MAP3K3: variants seen among roughly 807,000 people sequenced by gnomAD.
MAP3K3 encodes the protein mitogen-activated protein kinase kinase kinase 3.
MAP3K3 carries 12 observed loss-of-function variants against 80.9 expected under a neutral mutation model. The observed-to-expected ratio is 0.15, with a 90% CI of 0.10 to 0.24. MAP3K3 has a LOEUF of 0.24. Among genes scored for constraint, MAP3K3 ranks in the 10% least tolerant of loss-of-function variants. The pLI, the probability that MAP3K3 is intolerant of heterozygous loss-of-function variation, is 1.00. For synonymous variants in MAP3K3, 272 were observed against 307.1 expected, an observed-to-expected ratio of 0.89 and a Z score of 1.19; for missense variants, 596 against 834.7, an observed-to-expected ratio of 0.71 and a Z score of 3.52.
At chr17:63,686,210 G>C (rs1328847447) in intron 8 of MAP3K3, among the ~76,000 whole-genome samples, 1 of 152,098 alleles carries the variant, frequency 6.6e-6, no homozygotes, top group Non-Finnish European at 1.5e-5. Context: ...CGTCTGTCTG[G>C]GCTTAGGACT....
chr17:63,663,643 A>G (rs1250009849), intron 5 of MAP3K3, among the ~76,000 whole-genome samples: 2 of 152,214 alleles, frequency 1.3e-5, no homozygotes, highest in Non-Finnish European at 2.9e-5. Flanking sequence ...AACTCCTTGA[A>G]TATTGAGCAT....
intron 2 of MAP3K3, among the ~76,000 whole-genome samples, chr17:63,642,553 G>A (rs888955579): frequency 1.4e-4 from 21 of 152,070 alleles, no homozygotes; most frequent in African/African-American, 5.1e-4. Flanking sequence ...AGCTACTTGG[G>A]AGGCTGAGGC....
intron 2 of MAP3K3, among the ~76,000 whole-genome samples, chr17:63,643,466 G>A (rs530190816): frequency 9.2e-5 from 14 of 152,028 alleles, no homozygotes; most frequent in African/African-American, 3.4e-4. Context: ...AGCCGTGATC[G>A]TACCACTGCA....
Position 63,622,686 on chromosome 17 carries a change from G to C in MAP3K3, c.-74G>C. The C allele has an allele frequency of 2.4e-6, 1 of 408,302 alleles. No homozygotes were observed. The highest frequency in any genetic ancestry group is 4.8e-6 in the Non-Finnish European group (1 of 206,504). The allele number at this position is 408,302 out of a possible 1,614,324, so 25.3% of individuals were successfully genotyped here. A position where few individuals can be genotyped will look rare whatever the true frequency, so the allele number is the denominator to read the frequency against. Reference sequence around the variant, plus strand: ...AGGCCCGCTGCCGTCCCCGCCGCCCGGGCCCCCGGCATGCAGCCCCGGCTG... The same window carrying C: ...AGGCCCGCTGCCGTCCCCGCCGCCCCGGCCCCCGGCATGCAGCCCCGGCTG... On this transcript the variant is annotated 5_prime_UTR_variant, in exon 1 of 16. Transcript: ENST00000361733.
chr17:63,667,214 A>G (rs2035018124), intron 6 of MAP3K3, among the ~76,000 whole-genome samples, 154 bp downstream of exon 6: 1 of 152,138 alleles, frequency 6.6e-6, no homozygotes, highest in Non-Finnish European at 1.5e-5. Flanking sequence ...TTTAGAGAGG[A>G]AGGGCAAAGA....
At chr17:63,652,779 C>T (rs1214837869) in intron 4 of MAP3K3, 123 bp downstream of exon 4, 2 of 636,618 alleles carry the variant, frequency 3.1e-6, no homozygotes, top group East Asian at 2.8e-5. Context: ...ATTTTCTAGA[C>T]CCCCTTTTCT....
intron 1 of MAP3K3, among the ~76,000 whole-genome samples, chr17:63,628,072 AT>A (rs1187424375): frequency 6.7e-6 from 1 of 148,322 alleles, no homozygotes; most frequent in African/African-American, 2.5e-5. Flanking sequence ...CGCCCAGCTA[AT>A]TTTTGTATTT....
intron 6 of MAP3K3, among the ~76,000 whole-genome samples, chr17:63,681,151 G>A (rs1255691871): frequency 6.7e-6 from 1 of 150,266 alleles, no homozygotes; most frequent in African/African-American, 2.5e-5. Context: ...TTACTCATAA[G>A]CCAGGAAGTG....
chr17:63,655,096 C>G (rs1371107728), intron 4 of MAP3K3, among the ~76,000 whole-genome samples: 1 of 152,130 alleles, frequency 6.6e-6, no homozygotes, highest in Admixed American at 6.5e-5. Flanking sequence ...GTTTAATTGA[C>G]TCACAGTTCA....
At chr17:63,625,118 T>C (rs2034073225) in intron 1 of MAP3K3, among the ~76,000 whole-genome samples, 1 of 152,222 alleles carries the variant, frequency 6.6e-6, no homozygotes, top group African/African-American at 2.4e-5. Flanking sequence ...GTCTCTGCCC[T>C]GCAGGTTCTT....
At chr17:63,637,998 G>T (rs993099439) in intron 2 of MAP3K3, among the ~76,000 whole-genome samples, 14 of 152,170 alleles carry the variant, frequency 9.2e-5, no homozygotes, top group Non-Finnish European at 2.1e-4. Flanking sequence ...GTCAGTGATT[G>T]AGCAGACTGT....
rs910360248 is a variant in MAP3K3, at chr17:63,695,641, C to T, written c.*1864C>T. 7.9e-5 allele frequency: 12 copies of T among 152,704 alleles called. No homozygotes were observed. Among genetic ancestry groups the T allele is most frequent in the African/African-American group, 2.9e-4 (12 of 41,450 alleles). The allele number at this position is 152,704 out of a possible 1,614,324, so 9.5% of individuals were successfully genotyped here. A position where few individuals can be genotyped will look rare whatever the true frequency, so the allele number is the denominator to read the frequency against. ...GACCCCATCTTGGTGGCTGCACACT[C>T]TTCCTGGCCCGCACCCCCATCCCCA... On this transcript the variant is annotated 3_prime_UTR_variant, in exon 16 of 16. Transcript: ENST00000361733. This position sits in a 1 kb window ranked among gnomAD's most constrained non-coding sequence, Gnocchi z 4.1.
intron 12 of MAP3K3, among the ~76,000 whole-genome samples, chr17:63,690,765 A>G (rs1598124886): frequency 6.6e-6 from 1 of 152,172 alleles, no homozygotes; most frequent in East Asian, 1.9e-4. Flanking sequence ...CACTTGGTCC[A>G]GCTCTAGAGG....
intron 6 of MAP3K3, among the ~76,000 whole-genome samples, chr17:63,679,739 C>A (rs530165210): frequency 6.6e-6 from 1 of 152,050 alleles, no homozygotes; most frequent in Non-Finnish European, 1.5e-5. Flanking sequence ...CTCGAAGTGT[C>A]GGGATAATAG....
Position 63,681,889 on chromosome 17 carries a change from G to A in MAP3K3, c.626G>A (p.Ser209Asn). Residue 209 changes from serine to asparagine, a missense_variant, in exon 7 of 16, where the codon AGC becomes AAC. By Grantham distance (46) the Ser-to-Asn change is conservative. Around this residue, in one of 2 missense-constraint regions of MAP3K3, gnomAD observed 364 missense variants for 588.9 expected, o/e 0.62. Coordinates refer to ENST00000361733, the MANE Select transcript of MAP3K3 (RefSeq NM_002401.5). The part of the protein sequence containing the change: ...NSEGEFIPET[S>N]EQCMLDPLSS... ...GAGGGGGAGTTCATCCCAGAGACCA[G>A]CGAGCAGTGCGTGAGTATAGGGGGG... The A allele has an allele frequency of 1.3e-6, 2 of 1,486,138 alleles. No individual in the cohort carries two copies. Among genetic ancestry groups the A allele is most frequent in the South Asian group, 2.7e-5 (2 of 73,178 alleles). The allele number at this position is 1,486,138 out of a possible 1,614,324, so 92.1% of individuals were successfully genotyped here.
At chr17:63,685,714 C>T in intron 8 of MAP3K3, 124 bp downstream of exon 8, 2 of 737,400 alleles carry the variant, frequency 2.7e-6, no homozygotes, top group Non-Finnish European at 4.8e-6. Context: ...AAAGCCTTCT[C>T]CTTAATTTCC....
At position 63,691,965 on chromosome 17, in the gene MAP3K3, A is replaced by G. The variant is rs1009846773; in HGVS notation, c.1474+103A>G. On this transcript the variant is annotated intron_variant, in intron 14 of 15. Transcript: ENST00000361733. This position sits in a 1 kb window ranked among gnomAD's most constrained non-coding sequence, Gnocchi z 4.8. ...CTTAACCATTCTGAACTTTCTGAAA[A>G]GTGGGACCCCAGTTGTTTCCCTGAG... is the stretch of plus-strand genomic sequence containing the variant. The G allele has an allele frequency of 1.5e-6, 2 of 1,339,982 alleles. No individual in the cohort carries two copies. Among genetic ancestry groups the G allele is most frequent in the Non-Finnish European group, 2.1e-6 (2 of 963,314 alleles). 83.0% of individuals were successfully genotyped at this position (1,339,982 alleles called of 1,614,324 possible). A position where few individuals can be genotyped will look rare whatever the true frequency, so the allele number is the denominator to read the frequency against.
intron 8 of MAP3K3, among the ~76,000 whole-genome samples, chr17:63,687,526 A>G (rs2035480694): frequency 6.6e-6 from 1 of 151,410 alleles, no homozygotes; most frequent in African/African-American, 2.4e-5. Context: ...AGAAAAAAAA[A>G]AAAAGCAAAA....
intron 6 of MAP3K3, among the ~76,000 whole-genome samples, chr17:63,679,176 G>A (rs1002054287): frequency 6.6e-6 from 1 of 152,186 alleles, no homozygotes; most frequent in Non-Finnish European, 1.5e-5. Flanking sequence ...CAAGGCTTGA[G>A]ACCAGCCTAG....
Sources: allele counts gnomAD v4.1 joint callset (sites outside exome capture counted in the v4.1 genomes callset), GRCh38; gene constraint gnomAD v4.1.1; regional missense constraint gnomAD v4.1.1; non-coding constraint Gnocchi (gnomAD v3.1); transcripts MANE v1.5; gene names NCBI Gene and HGNC (gene_info 2026-07-23, HGNC 2026-07-21).